The following FRAS1 variants were observed in gnomAD, a reference collection of about 807,000 sequenced individuals.
The protein encoded by FRAS1 is extracellular matrix organizing protein FRAS1.
FRAS1 carries 290 observed loss-of-function variants against 435.2 expected under a neutral mutation model. The ratio of observed to expected loss-of-function variants is 0.67; its 90% confidence interval spans 0.61 to 0.73. The LOEUF (loss-of-function observed/expected upper bound fraction) is 0.73, where lower values mean the gene tolerates loss of function less well. Ranked by LOEUF, FRAS1 falls within the 30% of genes least tolerant of loss-of-function variation. The pLI is 0.00. For synonymous variants in FRAS1, 1,800 were observed against 1,851.0 expected, an observed-to-expected ratio of 0.97 and a Z score of 0.71; for missense variants, 4,860 against 5,001.5, an observed-to-expected ratio of 0.97 and a Z score of 0.85.
In FRAS1 at chr4:78,540,809, T is replaced by A. The variant is rs151307846; in HGVS notation, c.11724T>A (p.Ser3908Arg). Residue 3908 changes from serine to arginine, a missense_variant, in exon 74 of 74, where the codon AGT (serine) becomes AGA (arginine). Transcript: ENST00000512123. ...SLSQTGASIG[S>R]ALAAIMLLLL... ...CACAGACTGGGGCGTCCATTGGCAGTGCCCTGGCTGCAATCATGCTTCTAC... is the reference window on the plus strand; with the variant it reads ...CACAGACTGGGGCGTCCATTGGCAGAGCCCTGGCTGCAATCATGCTTCTAC... 1 of 1,613,838 alleles carries A rather than the reference T, an allele frequency of 6.2e-7. No homozygotes were observed. Among genetic ancestry groups the A allele is most frequent in the Admixed American group, 1.7e-5 (1 of 60,010 alleles).
intron 58 of FRAS1, 89 bp downstream of exon 58, chr4:78,482,624 CATTTTCATTCAA>C: frequency 7.4e-7 from 1 of 1,356,360 alleles, no homozygotes; most frequent in South Asian, 1.3e-5. Context: ...AACTCATTCA[CATTTTCATTCAA>C]GAAATATGTG....
chr4:78,245,138 A>G (rs1000373616), intron 3 of FRAS1, 95 bp from the exon 4 acceptor site: 7 of 834,204 alleles, frequency 8.4e-6, no homozygotes, highest in African/African-American at 1.7e-5. Context: ...AACGCATGAG[A>G]TTTAGTGAAT....
chr4:78,092,685 C>T (rs151172543), intron 2 of FRAS1, among the ~76,000 whole-genome samples: 2 of 152,274 alleles, frequency 1.3e-5, no homozygotes, highest in South Asian at 2.1e-4. Flanking sequence ...GGAGTGGTGC[C>T]GTTCTTTGAG....
intron 4 of FRAS1, among the ~76,000 whole-genome samples, chr4:78,249,778 T>G (rs1031403957): frequency 6.6e-6 from 1 of 152,144 alleles, no homozygotes; most frequent in Admixed American, 6.5e-5. Context: ...ATTTTACAGA[T>G]GAACGACAAC....
At chr4:78,357,237 T>C (rs1195352868) in intron 20 of FRAS1, among the ~76,000 whole-genome samples, 1 of 152,196 alleles carries the variant, frequency 6.6e-6, no homozygotes, top group Non-Finnish European at 1.5e-5. Flanking sequence ...TTATGTACTT[T>C]CATGGCACCC....
At chr4:78,485,280 C>T (rs1234085634) in intron 58 of FRAS1, among the ~76,000 whole-genome samples, 1 of 152,192 alleles carries the variant, frequency 6.6e-6, no homozygotes, top group African/African-American at 2.4e-5. Context: ...TCTTTTCTTC[C>T]TGACACACCT....
intron 20 of FRAS1, among the ~76,000 whole-genome samples, chr4:78,347,029 C>A (rs1054595196): frequency 6.6e-6 from 1 of 152,194 alleles, no homozygotes; most frequent in Admixed American, 6.5e-5. Context: ...ATAATCCCCT[C>A]CAGATCCTCA....
At chr4:78,088,768 G>T (rs1213188681) in intron 2 of FRAS1, among the ~76,000 whole-genome samples, 1 of 152,166 alleles carries the variant, frequency 6.6e-6, no homozygotes, top group African/African-American at 2.4e-5. Flanking sequence ...TCATTAAAAA[G>T]TTAGGAAACC....
intron 68 of FRAS1, 130 bp from the exon 69 acceptor site, chr4:78,522,519 G>T (rs889069841): frequency 2.6e-6 from 2 of 777,550 alleles, no homozygotes; most frequent in African/African-American, 3.6e-5. Context: ...GGGGCAAAAT[G>T]GGCTAAGCTT....
chr4:78,073,742 T>C (rs560240058), intron 2 of FRAS1, among the ~76,000 whole-genome samples: 1 of 152,308 alleles, frequency 6.6e-6, no homozygotes, highest in Admixed American at 6.5e-5. Flanking sequence ...AAATATCAAA[T>C]GACAATTGAG....
At chr4:78,133,119 T>A (rs1719758307) in intron 2 of FRAS1, among the ~76,000 whole-genome samples, 1 of 152,180 alleles carries the variant, frequency 6.6e-6, no homozygotes, top group Non-Finnish European at 1.5e-5. Context: ...GCAATCTAAG[T>A]GTCCATCAAC....
chr4:78,542,497 T>C lies in FRAS1; in HGVS notation c.*1373T>C, dbSNP rs1055542436. On this transcript the variant is annotated 3_prime_UTR_variant, in exon 74 of 74. Transcript: ENST00000512123. The stretch of plus-strand genomic sequence containing the variant: ...GAGTAAAAGACATGTCCTCTTCTGA[T>C]GCATGGCACACCATAGTCACCAAGC... 6.5e-6 allele frequency: 1 copy of C among 152,698 alleles called. No individual in the cohort carries two copies. The highest frequency in any genetic ancestry group is 6.5e-5 in the Admixed American group (1 of 15,290). 9.5% of individuals were successfully genotyped at this position (152,698 alleles called of 1,614,324 possible).
chr4:78,396,063 ATATCT>A (rs1213998611), intron 29 of FRAS1, among the ~76,000 whole-genome samples: 2 of 152,086 alleles, frequency 1.3e-5, no homozygotes, highest in Non-Finnish European at 2.9e-5. Flanking sequence ...GTTACATAAA[ATATCT>A]TATAATGGTC....
intron 32 of FRAS1, 114 bp from the exon 33 acceptor site, chr4:78,418,831 CTAAG>C (rs1733648620): frequency 3.4e-6 from 2 of 590,242 alleles, no homozygotes; most frequent in Admixed American, 3.4e-5. Flanking sequence ...GAAAATTTGA[CTAAG>C]TGTGACTAAT....
chr4:78,432,362 A>G lies in FRAS1; in HGVS notation c.4975A>G (p.Thr1659Ala), dbSNP rs757561523. 3.8e-6 allele frequency: 6 copies of G among 1,594,640 alleles called. No individual in the cohort carries two copies. The African/African-American group carries it at 8.0e-5, about 21-fold the overall frequency. Residue 1659 changes from threonine (T) to alanine (A), a missense_variant, in exon 38 of 74, where the codon ACT (threonine) becomes GCT (alanine). Physicochemically the swap from Thr to Ala is moderately conservative, Grantham distance 58 (BLOSUM62 0). Coordinates refer to ENST00000512123, the MANE Select transcript of FRAS1 (RefSeq NM_025074.7). ...EFRRPMATGD[T>A]FTYEDVEKNA... ...ATTTGTTTTATTCTTGGAAGGTGACACTTTCACCTATGAGGATGTTGAGAA... is the reference window on the plus strand; with the variant it reads ...ATTTGTTTTATTCTTGGAAGGTGACGCTTTCACCTATGAGGATGTTGAGAA...
intron 18 of FRAS1, among the ~76,000 whole-genome samples, chr4:78,322,159 A>T (rs1472638703): frequency 6.6e-6 from 1 of 152,140 alleles, no homozygotes; most frequent in Non-Finnish European, 1.5e-5. Context: ...CCTGAGTGTT[A>T]TGTGTGCTGA....
intron 2 of FRAS1, among the ~76,000 whole-genome samples, chr4:78,139,407 C>T (rs754159637): frequency 3.3e-5 from 5 of 152,158 alleles, no homozygotes; most frequent in Non-Finnish European, 7.3e-5. Flanking sequence ...TTGGGCTTTC[C>T]CTCCTACAAA....
intron 2 of FRAS1, among the ~76,000 whole-genome samples, chr4:78,188,287 A>G (rs865902208): frequency 1.0e-4 from 1 of 9,838 alleles, no homozygotes; most frequent in East Asian, 0.25. Context: ...CTGTCTATCT[A>G]TCTATCTATC....
In FRAS1 at chr4:78,534,473, G is replaced by T; in HGVS notation, c.10950G>T (p.Gln3650His). ...GATTCCTGATACCCATTGCATTCCA[G>T]CAGACCAACCGCCCTGTGCCAGTTG... is the stretch of plus-strand genomic sequence containing the variant. ...PERFLIPIAF[Q>H]QTNRPVPVVY... is the part of the protein sequence containing the mutation. Residue 3650 changes from glutamine to histidine, a missense_variant, in exon 71 of 74, where the codon CAG (glutamine) becomes CAT (histidine). Transcript: ENST00000512123. 6.2e-7 allele frequency: 1 copy of T among 1,613,142 alleles called. No homozygotes were observed. The highest frequency in any genetic ancestry group is 8.5e-7 in the Non-Finnish European group (1 of 1,179,524).
Sources: allele counts gnomAD v4.1 joint callset (sites outside exome capture counted in the v4.1 genomes callset), GRCh38; gene constraint gnomAD v4.1.1; transcripts MANE v1.5; gene names NCBI Gene and HGNC (gene_info 2026-07-23, HGNC 2026-07-21).